The following OPA1 variants were observed in gnomAD, a reference collection of about 807,000 sequenced individuals.
OPA1 encodes the protein dynamin-like GTPase OPA1, mitochondrial.
OPA1 carries 59 observed loss-of-function variants against 152.9 expected under a neutral mutation model. That is an observed-to-expected ratio of 0.39 (90% confidence interval 0.31 to 0.48). OPA1 has a LOEUF of 0.48. OPA1 is among the 20% of genes least tolerant of loss of function. The pLI, the probability that OPA1 is intolerant of heterozygous loss-of-function variation, is 0.96. For synonymous variants in OPA1, 400 were observed against 389.9 expected (o/e 1.03, Z -0.31); for missense variants, 1,008 against 1,216.8 (o/e 0.83, Z 2.55).
In OPA1 at chr3:193,593,426, A is replaced by C; in HGVS notation, c.32+17A>C. On this transcript the variant is annotated intron_variant, in intron 1 of 30. Coordinates refer to ENST00000361510, the MANE Select transcript of OPA1 (RefSeq NM_130837.3). Reference sequence around the variant, plus strand: ...TGTGGCCTGGTAAGTGCAGGCTCTAATCTGGCCCCGTTAATTCTGGGGCCT... The same window carrying C: ...TGTGGCCTGGTAAGTGCAGGCTCTACTCTGGCCCCGTTAATTCTGGGGCCT... 1 of 1,530,376 alleles carries C rather than the reference A, an allele frequency of 6.5e-7. No homozygotes were observed. Among genetic ancestry groups the C allele is most frequent in the Non-Finnish European group, 8.8e-7 (1 of 1,134,372 alleles). 94.8% of individuals were successfully genotyped at this position (1,530,376 alleles called of 1,614,324 possible).
At chr3:193,677,272 AT>A (rs1048200205) in intron 29 of OPA1, among the ~76,000 whole-genome samples, 34 of 141,684 alleles carry the variant, frequency 2.4e-4, no homozygotes, top group Non-Finnish European at 3.1e-4. Flanking sequence ...CCAGTGCACA[AT>A]TTTTTTTTCT....
intron 1 of OPA1, among the ~76,000 whole-genome samples, chr3:193,612,805 A>G (rs893600777): frequency 3.9e-5 from 6 of 152,328 alleles, no homozygotes; most frequent in Admixed American, 1.3e-4. Flanking sequence ...CCTCTAACTG[A>G]ATCCAATCCA....
chr3:193,619,046 C>T, intron 6 of OPA1, 110 bp downstream of exon 6: 1 of 854,874 alleles, frequency 1.2e-6, no homozygotes, highest in South Asian at 1.4e-5. Flanking sequence ...AATACAAAAA[C>T]ATCCAAGTAG....
At chr3:193,694,412 T>C (rs1722065948) in intron 30 of OPA1, among the ~76,000 whole-genome samples, 194 bp from the exon 31 acceptor site, 1 of 152,234 alleles carries the variant, frequency 6.6e-6, no homozygotes, top group Non-Finnish European at 1.5e-5. Context: ...TAGTATATGC[T>C]TTTAACTTAT....
At chr3:193,691,444 C>T (rs1577410130) in intron 29 of OPA1, 1 of 152,094 alleles carries the variant, frequency 6.6e-6, no homozygotes, top group African/African-American at 2.4e-5. Context: ...TTATTTATAG[C>T]TGGCAAAGTA....
intron 25 of OPA1, among the ~76,000 whole-genome samples, chr3:193,659,861 A>ACAGGCC (rs61550698): frequency 6.1e-4 from 93 of 152,260 alleles, no homozygotes; most frequent in African/African-American, 2.2e-3. Context: ...AAAGTTATGA[A>ACAGGCC]CAGGCCAGGC....
At chr3:193,666,568 G>T (rs1020767615) in intron 28 of OPA1, among the ~76,000 whole-genome samples, 179 bp downstream of exon 28, 1 of 152,278 alleles carries the variant, frequency 6.6e-6, no homozygotes, top group South Asian at 2.1e-4. Context: ...CAGGAAAACC[G>T]CTTGAGGCCT....
At chr3:193,656,574 A>C (rs1345496040) in intron 22 of OPA1, among the ~76,000 whole-genome samples, 1 of 152,228 alleles carries the variant, frequency 6.6e-6, no homozygotes, top group Non-Finnish European at 1.5e-5. Context: ...AAGATGACTG[A>C]ATCATTAAGA....
At chr3:193,601,737 T>C (rs1275809286) in intron 1 of OPA1, among the ~76,000 whole-genome samples, 2 of 149,958 alleles carry the variant, frequency 1.3e-5, no homozygotes, top group Admixed American at 1.3e-4. Context: ...TTTGGATTTG[T>C]TTTTTATATT....
Position 193,618,197 on chromosome 3 carries a change from G to A in OPA1, c.610+360G>A, listed in dbSNP as rs1553872542. On this transcript the variant is annotated intron_variant, in intron 5 of 30. Transcript: ENST00000361510. Reference sequence around the variant, plus strand: ...TGGTTGACATTTAAATTTGTTTTCCGGCCGGGCGCGGTGGCTCATGCCTGT... The same window carrying A: ...TGGTTGACATTTAAATTTGTTTTCCAGCCGGGCGCGGTGGCTCATGCCTGT... Among the ~76,000 whole-genome samples, 1 of 151,948 alleles carries A rather than the reference G, an allele frequency of 6.6e-6. No homozygotes were observed. Among genetic ancestry groups the A allele is most frequent in the African/African-American group, 2.4e-5 (1 of 41,342 alleles).
chr3:193,639,735 G>A (rs945562745), intron 11 of OPA1, among the ~76,000 whole-genome samples: 2 of 152,264 alleles, frequency 1.3e-5, no homozygotes, highest in Non-Finnish European at 2.9e-5. Flanking sequence ...TTAAAAGGCT[G>A]CTCTTTTGAA....
chr3:193,607,482 T>A (rs932573608), intron 1 of OPA1, among the ~76,000 whole-genome samples: 2 of 152,156 alleles, frequency 1.3e-5, no homozygotes, highest in African/African-American at 4.8e-5. Context: ...TTTCTACATA[T>A]GGCTAGCCAG....
intron 22 of OPA1, among the ~76,000 whole-genome samples, chr3:193,656,300 T>G (rs1035896105): frequency 1.3e-5 from 2 of 151,450 alleles, no homozygotes; most frequent in Admixed American, 1.3e-4. Context: ...TCAGGAAACA[T>G]GGATCTTAAT....
chr3:193,612,696 T>A (rs959809468), intron 1 of OPA1, among the ~76,000 whole-genome samples: 2 of 152,238 alleles, frequency 1.3e-5, no homozygotes, highest in Non-Finnish European at 2.9e-5. Context: ...CCATAATTTT[T>A]ATACGTAAAA....
intron 25 of OPA1, among the ~76,000 whole-genome samples, chr3:193,661,096 G>C (rs1003654946): frequency 6.6e-6 from 1 of 152,210 alleles, no homozygotes; most frequent in Admixed American, 6.5e-5. Flanking sequence ...ATTCCTGCTC[G>C]TAAGTTATTT....
In OPA1 at chr3:193,637,276, C is replaced by T; in HGVS notation, c.1030C>T (p.Pro344Ser). The change falls in exon 10 of 31, where the codon CCA (proline) becomes TCA (serine). Residue 344 changes from proline (P) to serine (S), a missense_variant. This residue lies in a region of OPA1 where 9 missense variants were observed against 34.2 expected (regional missense o/e 0.26). Coordinates refer to ENST00000361510, the MANE Select transcript of OPA1 (RefSeq NM_130837.3). The stretch of plus-strand genomic sequence containing the variant: ...CAGTTATAATACGCAAGATCATCTG[C>T]CACGGGTATGTGAAAAATTGATAGT... ...DASYNTQDHL[P>S]RVVVVGDQSA... 1 of 1,601,502 alleles carries T rather than the reference C, an allele frequency of 6.2e-7. No individual in the cohort carries two copies. Among genetic ancestry groups the T allele is most frequent in the Non-Finnish European group, 8.5e-7 (1 of 1,169,950 alleles).
rs104893753 is a variant in OPA1 at position 193,643,005 on chromosome 3, C to T, written c.1261C>T (p.Arg421Ter). 1.2e-6 allele frequency: 2 copies of T among 1,613,758 alleles called. No homozygotes were observed. The highest frequency in any genetic ancestry group is 1.7e-6 in the Non-Finnish European group (2 of 1,179,832). The change falls in exon 13 of 31, where the codon CGA becomes TGA. Residue 421 changes from arginine to a stop codon, truncating the protein, a stop_gained. Coordinates refer to ENST00000361510, the MANE Select transcript of OPA1 (RefSeq NM_130837.3). LOFTEE classifies it high-confidence loss of function. ...LAALRHEIEL[R>*]MRKNVKEGCT... is the part of the protein sequence containing the mutation. ...AGCATTAAGACATGAAATAGAACTT[C>T]GAATGAGGAAAAATGTGAAAGAAGG... is the stretch of plus-strand genomic sequence containing the variant.
chr3:193,653,333 T>A (rs1305072784), intron 21 of OPA1, among the ~76,000 whole-genome samples: 1 of 152,182 alleles, frequency 6.6e-6, no homozygotes, highest in Non-Finnish European at 1.5e-5. Context: ...GTAAATAGTC[T>A]TGGAGGGTAG....
chr3:193,693,046 T>A (rs773834220), intron 30 of OPA1, among the ~76,000 whole-genome samples: 1 of 152,256 alleles, frequency 6.6e-6, no homozygotes, highest in Non-Finnish European at 1.5e-5. Flanking sequence ...AAATATTTTG[T>A]CACTTTTGTC....
Sources: allele counts gnomAD v4.1 joint callset (sites outside exome capture counted in the v4.1 genomes callset), GRCh38; gene constraint gnomAD v4.1.1; regional missense constraint gnomAD v4.1.1; transcripts MANE v1.5; gene names NCBI Gene and HGNC (gene_info 2026-07-23, HGNC 2026-07-21).